RBFOX1: variants seen among roughly 807,000 people sequenced by gnomAD.
RBFOX1 encodes RNA binding fox-1 homolog 1.
Under a neutral mutation model 57.7 loss-of-function variants are expected in RBFOX1, and 8 were observed. That is an observed-to-expected ratio of 0.14 (90% CI 0.08 to 0.25). The LOEUF (loss-of-function observed/expected upper bound fraction) is 0.25. Ranked by LOEUF, RBFOX1 falls within the 10% of genes least tolerant of loss-of-function variation. The pLI is 1.00. For missense variants in RBFOX1, 611 were observed against 548.5 expected, an observed-to-expected ratio of 1.11 and a Z score of -1.14; for synonymous variants, 326 against 222.4, an observed-to-expected ratio of 1.47 and a Z score of -4.15.
intron 2 of RBFOX1, among the ~76,000 whole-genome samples, chr16:6,614,390 G>C (rs912412470): frequency 6.6e-6 from 1 of 152,100 alleles, no homozygotes; most frequent in Non-Finnish European, 1.5e-5. Flanking sequence ...AAAGAATATT[G>C]GTATCTGCCT....
At chr16:5,668,552 G>A (rs901369119) in intron 3 of RBFOX1, among the ~76,000 whole-genome samples, 2 of 152,196 alleles carry the variant, frequency 1.3e-5, no homozygotes, top group Non-Finnish European at 2.9e-5. Context: ...GTGGACTGAG[G>A]CTGGACTGTT....
At chr16:7,589,801 A>T (rs186271327) in intron 7 of RBFOX1, among the ~76,000 whole-genome samples, 10 of 152,138 alleles carry the variant, frequency 6.6e-5, no homozygotes, top group Non-Finnish European at 1.2e-4. Flanking sequence ...TGCTGGACAG[A>T]CAGCCAGGAA....
chr16:6,828,499 G>C (rs1262584698), intron 3 of RBFOX1, among the ~76,000 whole-genome samples: 1 of 151,714 alleles, frequency 6.6e-6, no homozygotes, highest in Non-Finnish European at 1.5e-5. Flanking sequence ...ACTCCAGCCT[G>C]GCAACAGAGC....
At chr16:5,450,280 A>G (rs2068382035) in intron 1 of RBFOX1, among the ~76,000 whole-genome samples, 1 of 152,200 alleles carries the variant, frequency 6.6e-6, no homozygotes, top group Non-Finnish European at 1.5e-5. Flanking sequence ...CAAGGGGGCA[A>G]GTCTGAGGCT....
intron 4 of RBFOX1, among the ~76,000 whole-genome samples, chr16:7,213,805 G>A (rs546918869): frequency 1.6e-3 from 248 of 152,282 alleles, no homozygotes; most frequent in African/African-American, 5.6e-3. Context: ...GTCAAAGCCA[G>A]TTATTCTTAA....
intron 3 of RBFOX1, among the ~76,000 whole-genome samples, chr16:6,904,434 C>G (rs919154723): frequency 4.6e-5 from 7 of 151,660 alleles, no homozygotes; most frequent in African/African-American, 1.5e-4. Context: ...ATCCTCCTGT[C>G]CACTGAAAGT....
At chr16:7,685,576 GAAC>G (rs769450376) in intron 14 of RBFOX1, among the ~76,000 whole-genome samples, 2 of 152,096 alleles carry the variant, frequency 1.3e-5, no homozygotes, top group Non-Finnish European at 2.9e-5. Context: ...TGAAGAAGGT[GAAC>G]ATTATAAACT....
intron 9 of RBFOX1, among the ~76,000 whole-genome samples, chr16:7,599,320 A>C (rs2094882450): frequency 6.6e-6 from 1 of 152,260 alleles, no homozygotes; most frequent in African/African-American, 2.4e-5. Flanking sequence ...TCTACATATG[A>C]CTAGCTGCTC....
At chr16:6,088,568 C>T (rs1191731440) in intron 1 of RBFOX1, among the ~76,000 whole-genome samples, 1 of 148,134 alleles carries the variant, frequency 6.8e-6, no homozygotes, top group Non-Finnish European at 1.5e-5. Context: ...TAAATACCAA[C>T]TCTGTGTTAG....
intron 4 of RBFOX1, among the ~76,000 whole-genome samples, chr16:7,117,756 A>G (rs1306450210): frequency 1.3e-5 from 2 of 152,170 alleles, no homozygotes; most frequent in Admixed American, 6.5e-5. Context: ...CTCTGCTTAA[A>G]ATCTAATAGA....
chr16:7,443,439 C>T (rs967555554), intron 4 of RBFOX1, among the ~76,000 whole-genome samples: 1 of 145,202 alleles, frequency 6.9e-6, no homozygotes, highest in Admixed American at 6.9e-5. Flanking sequence ...TCCCCTCTTT[C>T]TTTGCCCCCT....
intron 4 of RBFOX1, among the ~76,000 whole-genome samples, chr16:7,153,094 C>A (rs2076403858): frequency 6.6e-6 from 1 of 152,120 alleles, no homozygotes; most frequent in African/African-American, 2.4e-5. Flanking sequence ...CAAAACTTGT[C>A]TCTTAATGTT....
chr16:7,699,290 C>G (rs1318163315), intron 14 of RBFOX1, among the ~76,000 whole-genome samples: 1 of 152,120 alleles, frequency 6.6e-6, no homozygotes, highest in Non-Finnish European at 1.5e-5. Flanking sequence ...CTCCTGGGAT[C>G]TAGCGATCCT....
intron 3 of RBFOX1, among the ~76,000 whole-genome samples, chr16:6,758,502 G>C (rs1426183302): frequency 6.6e-6 from 1 of 152,050 alleles, no homozygotes; most frequent in African/African-American, 2.4e-5. Context: ...TGACGTGAGA[G>C]TCCAGCCTAG....
intron 2 of RBFOX1, among the ~76,000 whole-genome samples, chr16:6,476,354 ACAGG>A (rs773184123): frequency 5.3e-5 from 8 of 152,320 alleles, no homozygotes; most frequent in Non-Finnish European, 8.8e-5. Context: ...CTATAGATGT[ACAGG>A]CACACCTTGG....
At chr16:5,496,762 G>C (rs1386470722) in intron 2 of RBFOX1, among the ~76,000 whole-genome samples, 2 of 152,148 alleles carry the variant, frequency 1.3e-5, no homozygotes, top group Non-Finnish European at 2.9e-5. Flanking sequence ...GCAATCAGCT[G>C]CTTCATCCCT....
chr16:5,416,856 G>A (rs554460032), intron 1 of RBFOX1, among the ~76,000 whole-genome samples: 4 of 152,078 alleles, frequency 2.6e-5, no homozygotes, highest in East Asian at 1.9e-4. Flanking sequence ...GAAGTGTAGC[G>A]TTTGTTACTG....
intron 2 of RBFOX1, among the ~76,000 whole-genome samples, chr16:5,551,209 C>T (rs151213463): frequency 7.6e-4 from 115 of 152,294 alleles, no homozygotes; most frequent in Admixed American, 1.4e-3. Flanking sequence ...GTGACTTCCT[C>T]CAGCAAGCAC....
chr16:7,691,990 T>C lies in RBFOX1; in HGVS notation c.995+15152T>C, dbSNP rs940820147. 5.9e-5 allele frequency among the ~76,000 whole-genome samples: 9 copies of C among 152,282 alleles called. No individual in the cohort carries two copies. In the South Asian group the frequency reaches 1.0e-3, roughly 18 times the overall value. On this transcript the variant is annotated intron_variant, in intron 14 of 15. Coordinates refer to ENST00000550418, the MANE Select transcript of RBFOX1 (RefSeq NM_018723.4). ...CCTGTAGTTAGGAATTCCCGTGTTA[T>C]TGCCCCTTCTATAAGTCAAAGGTGA...
Sources: gnomAD v4.1 joint callset for allele counts (sites outside exome capture counted in the v4.1 genomes callset) on GRCh38, gnomAD v4.1.1 for gene constraint, MANE v1.5 for transcripts, NCBI Gene and HGNC (gene_info 2026-07-23, HGNC 2026-07-21) for gene names.